Variants in LINGO1 observed in about 807,000 individuals in gnomAD.
LINGO1 encodes the protein leucine-rich repeat and immunoglobulin-like domain-containing nogo receptor-interacting protein 1.
A neutral mutation model predicts 37.3 loss-of-function variants in LINGO1; 11 were observed. The ratio of observed to expected loss-of-function variants is 0.29; its 90% CI spans 0.19 to 0.49. LINGO1 has a LOEUF of 0.49. Ranked by LOEUF, LINGO1 falls within the 20% of genes least tolerant of loss-of-function variation. The pLI, the probability that LINGO1 is intolerant of heterozygous loss-of-function variation, is 0.99. For synonymous variants in LINGO1, 387 were observed against 403.0 expected (o/e 0.96, Z 0.48); for missense variants, 585 against 878.2 (o/e 0.67, Z 4.22).
At chr15:77,773,841 G>T (rs2076610036) in intron 1 of LINGO1, among the ~76,000 whole-genome samples, 1 of 151,984 alleles carries the variant, frequency 6.6e-6, no homozygotes, top group Admixed American at 6.5e-5. Flanking sequence ...TTCTCTGGCT[G>T]TCCTACCTAC....
chr15:77,705,084 C>T (rs1644781634), intron 2 of LINGO1, among the ~76,000 whole-genome samples: 1 of 151,714 alleles, frequency 6.6e-6, no homozygotes, highest in Admixed American at 6.6e-5. Context: ...AACCTGTGGG[C>T]CCATCCTTCT....
At chr15:77,750,672 T>C (rs763669940) in intron 1 of LINGO1, among the ~76,000 whole-genome samples, 2 of 152,260 alleles carry the variant, frequency 1.3e-5, no homozygotes, top group East Asian at 3.8e-4. Flanking sequence ...GAGCCTACTA[T>C]GAGCCAGACA....
chr15:77,772,167 A>G (rs965696976), intron 1 of LINGO1, among the ~76,000 whole-genome samples: 1 of 152,042 alleles, frequency 6.6e-6, no homozygotes, highest in African/African-American at 2.4e-5. Context: ...GGGCTGGTAG[A>G]CTCCACCTGG....
chr15:77,675,493 T>C (rs911170318), intron 3 of LINGO1, among the ~76,000 whole-genome samples: 13 of 152,176 alleles, frequency 8.5e-5, no homozygotes, highest in African/African-American at 2.9e-4. Context: ...CATATGACAT[T>C]GTTAGGTAAA....
upstream of LINGO1, chr15:77,787,984 A>AGAG (rs1419938363): frequency 1.3e-5 from 2 of 152,038 alleles, no homozygotes; most frequent in Non-Finnish European, 2.9e-5. Flanking sequence ...CAGAGACAGG[A>AGAG]GAGGCAGCCT....
chr15:77,706,237 G>A lies in LINGO1; in HGVS notation c.-194-15336C>T, dbSNP rs1169789981. Reference sequence around the variant, plus strand: ...CCCAGCTGCCCAAACCAGAAACCTCGCCTCCCTGTGATATCCCCACCCAAC... The same window carrying A: ...CCCAGCTGCCCAAACCAGAAACCTCACCTCCCTGTGATATCCCCACCCAAC... On this transcript the variant is annotated intron_variant, in intron 2 of 3. Transcript: ENST00000561686. Among the ~76,000 whole-genome samples the A allele has an allele frequency of 3.9e-5, 6 of 151,976 alleles. No individual in the cohort carries two copies. The South Asian group carries it at 8.3e-4, about 21-fold the overall frequency.
chr15:77,657,736 G>T (rs1269650744), intron 3 of LINGO1, among the ~76,000 whole-genome samples: 1 of 152,180 alleles, frequency 6.6e-6, no homozygotes, highest in African/African-American at 2.4e-5. Context: ...AGGAAGGAGG[G>T]ATGGATTTAG....
chr15:77,750,876 A>T (rs1362410894), intron 1 of LINGO1, among the ~76,000 whole-genome samples: 1 of 152,234 alleles, frequency 6.6e-6, no homozygotes, highest in Non-Finnish European at 1.5e-5. Flanking sequence ...TACTTTGGCC[A>T]ATGAGACTGG....
intron 3 of LINGO1, chr15:77,667,689 A>G (rs909632537): frequency 2.0e-5 from 3 of 152,200 alleles, no homozygotes; most frequent in Admixed American, 6.5e-5. Flanking sequence ...TCAGCTGTGG[A>G]AGAATTGCTA....
At chr15:77,793,084 G>A (rs1440512795) in intron 2 of LINGO1, among the ~76,000 whole-genome samples, 5 of 152,096 alleles carry the variant, frequency 3.3e-5, no homozygotes, top group Admixed American at 3.3e-4. Flanking sequence ...ACCCCCCAGT[G>A]AGGGGATGAA....
chr15:77,654,440 T>A (rs1046283464), intron 3 of LINGO1, among the ~76,000 whole-genome samples: 1 of 152,096 alleles, frequency 6.6e-6, no homozygotes, highest in Non-Finnish European at 1.5e-5. Flanking sequence ...ACCATGCTCT[T>A]CCCTAAGTAG....
At chr15:77,721,094 C>T (rs766736651) in intron 2 of LINGO1, among the ~76,000 whole-genome samples, 4 of 152,162 alleles carry the variant, frequency 2.6e-5, no homozygotes, top group Non-Finnish European at 5.9e-5. Context: ...CCCCAGTCCA[C>T]TCCTGACTCA....
At chr15:77,652,577 A>G (rs956495649) in intron 3 of LINGO1, among the ~76,000 whole-genome samples, 8 of 148,642 alleles carry the variant, frequency 5.4e-5, no homozygotes, top group African/African-American at 2.0e-4. Flanking sequence ...TATATCCTCC[A>G]GGTGACGTCT....
At chr15:77,814,000 C>G (rs1328986929) in intron 1 of LINGO1, among the ~76,000 whole-genome samples, 1 of 125,760 alleles carries the variant, frequency 8.0e-6, no homozygotes, top group Admixed American at 7.3e-5. Flanking sequence ...CCCTAGGAAG[C>G]CCCCCCAATC....
chr15:77,630,736 G>C (rs2074230543), intron 1 of LINGO1, among the ~76,000 whole-genome samples: 1 of 152,262 alleles, frequency 6.6e-6, no homozygotes, highest in South Asian at 2.1e-4. Context: ...GGTGAGGAGG[G>C]GGGCAGAGAC....
At chr15:77,798,287 C>T (rs1324103921) in intron 1 of LINGO1, among the ~76,000 whole-genome samples, 1 of 152,226 alleles carries the variant, frequency 6.6e-6, no homozygotes, top group Non-Finnish European at 1.5e-5. Context: ...AGCTGGATCC[C>T]GATAGACTGG....
intron 3 of LINGO1, among the ~76,000 whole-genome samples, chr15:77,650,844 A>G (rs1311093000): frequency 1.3e-5 from 2 of 152,008 alleles, no homozygotes; most frequent in South Asian, 2.1e-4. Context: ...GAGGTGGGAT[A>G]TGGGAAAGAG....
chr15:77,637,322 C>G (rs1365313624), upstream of LINGO1, among the ~76,000 whole-genome samples: 1 of 152,196 alleles, frequency 6.6e-6, no homozygotes. The surrounding 1 kb of genome is among the most constrained non-coding windows in gnomAD (Gnocchi z 4.6). Context: ...GAGGCCCACC[C>G]CCGTTAACTG....
intron 1 of LINGO1, among the ~76,000 whole-genome samples, chr15:77,775,491 G>A (rs1366578992): frequency 3.9e-5 from 6 of 152,154 alleles, no homozygotes; most frequent in Admixed American, 3.9e-4. Flanking sequence ...TCAACTGGCT[G>A]GGTGGCTGAA....
Sources: allele counts gnomAD v4.1 joint callset (sites outside exome capture counted in the v4.1 genomes callset), GRCh38; gene constraint gnomAD v4.1.1; non-coding constraint Gnocchi (gnomAD v3.1); transcripts MANE v1.5; gene names NCBI Gene and HGNC (gene_info 2026-07-23, HGNC 2026-07-21).